PRKCQ: variants seen among roughly 807,000 people sequenced by gnomAD.
PRKCQ encodes the protein protein kinase C theta type.
In PRKCQ, 41 loss-of-function variants were observed where a neutral mutation model predicts 91.2. The observed-to-expected ratio is 0.45, with a 90% confidence interval of 0.35 to 0.58. PRKCQ has a LOEUF of 0.58. Among genes scored for constraint, PRKCQ ranks in the 20% least tolerant of loss-of-function variants. The pLI, the probability that PRKCQ is intolerant of heterozygous loss-of-function variation, is 0.00. For synonymous variants in PRKCQ, 307 were observed against 316.9 expected (o/e 0.97, Z 0.33); for missense variants, 673 against 896.5 (o/e 0.75, Z 3.18).
intron 16 of PRKCQ, among the ~76,000 whole-genome samples, chr10:6,436,249 T>C (rs1652772576): frequency 6.6e-6 from 1 of 152,264 alleles, no homozygotes; most frequent in African/African-American, 2.4e-5. Context: ...ACTGAAACTC[T>C]GCAGATGACT....
At chr10:6,520,122 C>T (rs939477958) in intron 1 of PRKCQ, among the ~76,000 whole-genome samples, 1 of 152,200 alleles carries the variant, frequency 6.6e-6, no homozygotes, top group East Asian at 1.9e-4. Flanking sequence ...CCCCATAGAC[C>T]CCTTGTCTGA....
chr10:6,543,375 G>A (rs1004046337), intron 1 of PRKCQ, among the ~76,000 whole-genome samples: 26 of 152,134 alleles, frequency 1.7e-4, no homozygotes, highest in African/African-American at 5.6e-4. Context: ...CCAGACAGAG[G>A]AAAACAAAAA....
intron 11 of PRKCQ, among the ~76,000 whole-genome samples, chr10:6,479,884 G>C (rs958316229): frequency 9.9e-5 from 15 of 151,812 alleles, no homozygotes; most frequent in Admixed American, 7.2e-4. Context: ...CCTGGGAGGC[G>C]GAGGTTGTGG....
intron 15 of PRKCQ, among the ~76,000 whole-genome samples, chr10:6,453,297 C>T (rs1834812245): frequency 6.6e-6 from 1 of 152,186 alleles, no homozygotes; most frequent in Non-Finnish European, 1.5e-5. Flanking sequence ...GACATTTATG[C>T]AGCCAAAAGA....
At chr10:6,566,566 G>A (rs1840843850) in intron 1 of PRKCQ, among the ~76,000 whole-genome samples, 1 of 152,116 alleles carries the variant, frequency 6.6e-6, no homozygotes, top group Non-Finnish European at 1.5e-5. Context: ...GCATGACCCT[G>A]GCAGAGCAGG....
At chr10:6,423,114 C>T (rs1484176169), downstream of PRKCQ, among the ~76,000 whole-genome samples, 1 of 152,156 alleles carries the variant, frequency 6.6e-6, no homozygotes, top group African/African-American at 2.4e-5. Flanking sequence ...AGGCAGGAGG[C>T]TGATGCTGCA....
chr10:6,488,319 C>T (rs1259317630), intron 8 of PRKCQ, among the ~76,000 whole-genome samples: 1 of 151,876 alleles, frequency 6.6e-6, no homozygotes, highest in African/African-American at 2.4e-5. Context: ...GTAGTTTTCA[C>T]TGGTCCACTC....
At chr10:6,435,899 A>C (rs1476963373) in intron 16 of PRKCQ, among the ~76,000 whole-genome samples, 1 of 152,100 alleles carries the variant, frequency 6.6e-6, no homozygotes, top group Non-Finnish European at 1.5e-5. Flanking sequence ...GATTGCTTTG[A>C]GCTCCAGAAT....
At chr10:6,528,511 G>C (rs140790009) in intron 1 of PRKCQ, among the ~76,000 whole-genome samples, 2 of 152,272 alleles carry the variant, frequency 1.3e-5, no homozygotes, top group East Asian at 3.9e-4. Context: ...GAACGTTTTA[G>C]CCATCTCCAT....
At chr10:6,512,412 G>C (rs1838526281) in intron 2 of PRKCQ, among the ~76,000 whole-genome samples, 1 of 152,218 alleles carries the variant, frequency 6.6e-6, no homozygotes. Flanking sequence ...TCTGTAGACA[G>C]GAAGGTCAGT....
intron 15 of PRKCQ, among the ~76,000 whole-genome samples, chr10:6,452,167 C>T (rs1420800599): frequency 2.0e-5 from 3 of 152,124 alleles, no homozygotes; most frequent in African/African-American, 7.2e-5. Context: ...GATTGTATAT[C>T]TAGAAAACCC....
the PRKCQ span, among the ~76,000 whole-genome samples, chr10:6,414,109 A>G: frequency 6.6e-6 from 1 of 152,190 alleles, no homozygotes; most frequent in Non-Finnish European, 1.5e-5. Context: ...GGGGAACTCA[A>G]GGTGACTCCG....
chr10:6,536,099 G>A (rs933051557), intron 1 of PRKCQ, among the ~76,000 whole-genome samples: 4 of 152,196 alleles, frequency 2.6e-5, no homozygotes, highest in Non-Finnish European at 4.4e-5. Context: ...GTGTGTGTCC[G>A]TGGAATGAGG....
At chr10:6,560,788 C>A (rs7069738) in intron 1 of PRKCQ, among the ~76,000 whole-genome samples, 138,041 of 152,200 alleles carry the variant, frequency 0.91, 63,313 homozygotes, top group East Asian at 1. Context: ...GTCTGTAATC[C>A]CAGCGCTTTG....
At chr10:6,418,876 A>T in the PRKCQ span, among the ~76,000 whole-genome samples, 2 of 147,042 alleles carry the variant, frequency 1.4e-5, no homozygotes, top group Non-Finnish European at 3.0e-5. Flanking sequence ...ATCTGTCTCC[A>T]TATTATTTGT....
intron 1 of PRKCQ, among the ~76,000 whole-genome samples, chr10:6,523,634 T>C (rs915783728): frequency 6.6e-6 from 1 of 152,134 alleles, no homozygotes; most frequent in Non-Finnish European, 1.5e-5. Flanking sequence ...CACTCTGCAC[T>C]TTCCCCCAAA....
At chr10:6,553,520 AACAAACAAAAG>A (rs1287973802) in intron 1 of PRKCQ, among the ~76,000 whole-genome samples, 9 of 145,286 alleles carry the variant, frequency 6.2e-5, no homozygotes, top group African/African-American at 2.5e-4. Flanking sequence ...AAAAAAAACA[AACAAACAAAAG>A]AAGAAGAAGA....
chr10:6,522,367 C>T (rs565253159), intron 1 of PRKCQ, among the ~76,000 whole-genome samples: 3 of 152,252 alleles, frequency 2.0e-5, no homozygotes, highest in Non-Finnish European at 2.9e-5. Context: ...TATAATTGCT[C>T]AGTGCTTTAG....
chr10:6,474,936 C>T (rs1022722387), intron 12 of PRKCQ, among the ~76,000 whole-genome samples: 3 of 152,046 alleles, frequency 2.0e-5, no homozygotes, highest in Admixed American at 6.5e-5. Context: ...TCAAGCCCTG[C>T]AGACTTTGTA....
Sources: gnomAD v4.1 joint callset for allele counts (sites outside exome capture counted in the v4.1 genomes callset) on GRCh38, gnomAD v4.1.1 for gene constraint, MANE v1.5 for transcripts, NCBI Gene and HGNC (gene_info 2026-07-23, HGNC 2026-07-21) for gene names.